Variants in CNOT8 observed in about 807,000 individuals in gnomAD.
The protein encoded by CNOT8 is CAF1-like protein.
CNOT8 carries 18 observed loss-of-function variants against 34.6 expected under a neutral mutation model. The observed-to-expected ratio is 0.52, with a 90% CI of 0.36 to 0.77. The LOEUF (loss-of-function observed/expected upper bound fraction) is 0.77, where lower values mean the gene tolerates loss of function less well. Among genes scored for constraint, CNOT8 ranks in the 30% least tolerant of loss-of-function variants. The probability of loss-of-function intolerance (pLI) is 0.00; values close to 1 mark genes in which losing one functional copy is unlikely to be tolerated. For synonymous variants in CNOT8, 101 were observed against 118.8 expected (o/e 0.85, Z 0.98); for missense variants, 189 against 347.9 (o/e 0.54, Z 3.63).
chr5:154,868,268 CTTTT>C (rs543872202), intron 3 of CNOT8, among the ~76,000 whole-genome samples: 2 of 103,926 alleles, frequency 1.9e-5, no homozygotes, highest in Admixed American at 1.1e-4. Flanking sequence ...CTTTTCTTTT[CTTTT>C]TTTTTTTTTT....
At position 154,875,405 on chromosome 5, in the gene CNOT8, G is replaced by A; in HGVS notation, c.845G>A (p.Ser282Asn). ...EDVDSAQEKM[S>N]ILAIINNMQQ ...GTGGACTCTGCCCAGGAGAAGATGA[G>A]CATCCTGGCGATTATCAACAACATG... The change falls in exon 7 of 7, where the codon AGC (serine) becomes AAC (asparagine). Residue 282 changes from serine to asparagine, a missense_variant. Transcript: ENST00000285896. 1.9e-6 allele frequency: 3 copies of A among 1,613,978 alleles called. No individual in the cohort carries two copies. The highest frequency in any genetic ancestry group is 2.5e-6 in the Non-Finnish European group (3 of 1,180,032).
chr5:154,862,704 A>G (rs1761467969), intron 1 of CNOT8, among the ~76,000 whole-genome samples: 2 of 152,190 alleles, frequency 1.3e-5, no homozygotes, highest in South Asian at 4.1e-4. Context: ...GGATGGGGGA[A>G]GAATCCCATG....
chr5:154,869,905 G>A (rs1263858063), intron 3 of CNOT8, among the ~76,000 whole-genome samples: 1 of 152,128 alleles, frequency 6.6e-6, no homozygotes, highest in Non-Finnish European at 1.5e-5. Context: ...TTACAGGCAT[G>A]AGCCACCACG....
At chr5:154,863,086 A>T (rs1298404421) in intron 1 of CNOT8, 121 bp from the exon 2 acceptor site, 2 of 515,638 alleles carry the variant, frequency 3.9e-6, no homozygotes, top group Non-Finnish European at 7.0e-6. Context: ...ATGGAGAATA[A>T]ATATAATCTT....
chr5:154,875,175 A>G lies in CNOT8; in HGVS notation c.730-115A>G, dbSNP rs944496357. Reference sequence around the variant, plus strand: ...CAAGTGATCTGCCCGCCTCAGCCTCACAAAGTGCTTGGATTCCAGACGTGA... The same window carrying G: ...CAAGTGATCTGCCCGCCTCAGCCTCGCAAAGTGCTTGGATTCCAGACGTGA... On this transcript the variant is annotated intron_variant, in intron 6 of 6. Coordinates refer to ENST00000285896, the MANE Select transcript of CNOT8 (RefSeq NM_001301073.2). 4 of 1,195,444 alleles carry G rather than the reference A, an allele frequency of 3.3e-6. No individual in the cohort carries two copies. In the African/African-American group the frequency reaches 6.1e-5, roughly 18 times the overall value. The allele number at this position is 1,195,444 out of a possible 1,614,324, so 74.1% of individuals were successfully genotyped here. A position where few individuals can be genotyped will look rare whatever the true frequency, so the allele number is the denominator to read the frequency against.
chr5:154,876,719 G>T lies in CNOT8; in HGVS notation c.*1280G>T, dbSNP rs1465189255. ...AGAAAATGTCAAGTATTATAAGCTG[G>T]TATTTAAGATGCTTGTAAATACTAT... On this transcript the variant is annotated 3_prime_UTR_variant, in exon 7 of 7. Transcript: ENST00000285896. 1 of 152,590 alleles carries T rather than the reference G, an allele frequency of 6.6e-6. No homozygotes were observed. Among genetic ancestry groups the T allele is most frequent in the African/African-American group, 2.4e-5 (1 of 41,432 alleles). 9.5% of individuals were successfully genotyped at this position (152,590 alleles called of 1,614,324 possible).
chr5:154,869,626 GTT>G (rs34726467), intron 3 of CNOT8, among the ~76,000 whole-genome samples: 106 of 124,320 alleles, frequency 8.5e-4, no homozygotes, highest in African/African-American at 2.1e-3. Flanking sequence ...GTTTTTTTGT[GTT>G]TTTTTTTTTT....
At chr5:154,866,836 C>T (rs899581654) in intron 3 of CNOT8, among the ~76,000 whole-genome samples, 1 of 152,164 alleles carries the variant, frequency 6.6e-6, no homozygotes, top group African/African-American at 2.4e-5. Context: ...TCACTTGAAC[C>T]TGTGAGGTGG....
chr5:154,870,144 A>G (rs911411893), intron 3 of CNOT8, among the ~76,000 whole-genome samples: 1 of 152,056 alleles, frequency 6.6e-6, no homozygotes, highest in East Asian at 1.9e-4. Flanking sequence ...CTTGGCCTCA[A>G]ACAATCCTCT....
intron 6 of CNOT8, among the ~76,000 whole-genome samples, chr5:154,874,558 G>T (rs1057430828): frequency 2.6e-5 from 4 of 152,012 alleles, no homozygotes; most frequent in Non-Finnish European, 5.9e-5. Flanking sequence ...CTTTCGAGAC[G>T]GAGTCTTGCA....
At chr5:154,858,408 C>A (rs1760993443), upstream of CNOT8, 1 of 152,256 alleles carries the variant, frequency 6.6e-6, no homozygotes, top group Non-Finnish European at 1.5e-5. Context: ...CTCCTGCGCG[C>A]TGCTTCCCGC....
At chr5:154,875,077 C>G (rs542763519) in intron 6 of CNOT8, among the ~76,000 whole-genome samples, 3 of 151,688 alleles carry the variant, frequency 2.0e-5, no homozygotes, top group Non-Finnish European at 4.4e-5. Flanking sequence ...CCACCATGCC[C>G]GGCTCATTTT....
chr5:154,862,275 A>G lies in CNOT8; in HGVS notation c.-72-932A>G, dbSNP rs187306940. 3.7e-4 allele frequency among the ~76,000 whole-genome samples: 57 copies of G among 152,276 alleles called. No homozygotes were observed. In the East Asian group the frequency reaches 0.01, roughly 28 times the overall value. ...ATCACAAGGTCAGGGGTTCAAGACT[A>G]GCCTGACCAATATGGTGAAACCCCA... On this transcript the variant is annotated intron_variant, in intron 1 of 6. Coordinates refer to ENST00000285896, the MANE Select transcript of CNOT8 (RefSeq NM_001301073.2).
intron 6 of CNOT8, among the ~76,000 whole-genome samples, chr5:154,874,214 A>G (rs529043302): frequency 5.9e-5 from 9 of 152,198 alleles, no homozygotes; most frequent in African/African-American, 1.7e-4. Flanking sequence ...AAAAGAATAC[A>G]TGGAAAGTAT....
intron 2 of CNOT8, among the ~76,000 whole-genome samples, chr5:154,864,302 T>C (rs974096889): frequency 6.6e-6 from 1 of 151,832 alleles, no homozygotes; most frequent in Non-Finnish European, 1.5e-5. Flanking sequence ...CTACTAAAAA[T>C]ACAAAAAATT....
chr5:154,873,250 G>T (rs1762647332), intron 6 of CNOT8, among the ~76,000 whole-genome samples: 1 of 152,178 alleles, frequency 6.6e-6, no homozygotes, highest in Non-Finnish European at 1.5e-5. Flanking sequence ...TTTGAAAGTG[G>T]TTGTTTTTTG....
At position 154,875,591 on chromosome 5, in the gene CNOT8, A is replaced by G; in HGVS notation, c.*152A>G. 1.2e-6 allele frequency: 1 copy of G among 815,734 alleles called. No homozygotes were observed. The highest frequency in any genetic ancestry group is 1.8e-6 in the Non-Finnish European group (1 of 547,022). 50.5% of individuals were successfully genotyped at this position (815,734 alleles called of 1,614,324 possible). ...AAAGACTTTTGTTTTACTGAAGACA[A>G]AAGATGTTTTTATTTTAGACCCAGA... On this transcript the variant is annotated 3_prime_UTR_variant, in exon 7 of 7. Transcript: ENST00000285896.
At chr5:154,873,131 C>T (rs900562593) in intron 6 of CNOT8, among the ~76,000 whole-genome samples, 2 of 152,188 alleles carry the variant, frequency 1.3e-5, no homozygotes, top group Non-Finnish European at 2.9e-5. Context: ...GTCTCGAACT[C>T]CTGACCTCAG....
rs138091129 is a variant in CNOT8, at chr5:154,868,785, G to C, written c.312-1876G>C. On this transcript the variant is annotated intron_variant, in intron 3 of 6. Coordinates refer to ENST00000285896, the MANE Select transcript of CNOT8 (RefSeq NM_001301073.2). The stretch of plus-strand genomic sequence containing the variant: ...TAGGTCTGGAGGCTGGTCCTCTTCT[G>C]GGCTTCCTACGCCACTTGAGTGCTG... Among the ~76,000 whole-genome samples, 10 of 152,298 alleles carry C rather than the reference G, an allele frequency of 6.6e-5. No individual in the cohort carries two copies. The East Asian group carries it at 1.7e-3, about 26-fold the overall frequency.
Sources: allele counts gnomAD v4.1 joint callset (sites outside exome capture counted in the v4.1 genomes callset), GRCh38; gene constraint gnomAD v4.1.1; transcripts MANE v1.5; gene names NCBI Gene and HGNC (gene_info 2026-07-23, HGNC 2026-07-21).